Variants in EML4 observed in about 807,000 individuals in gnomAD.
EML4 encodes the protein EMAP like 4, also known as echinoderm microtubule-associated protein-like 4.
In EML4, 72 loss-of-function variants were observed where a neutral mutation model predicts 129.0. That is an observed-to-expected ratio of 0.56 (90% CI 0.46 to 0.68). The LOEUF is 0.68. Ranked by LOEUF, EML4 falls within the 30% of genes least tolerant of loss-of-function variation. The pLI is 0.00. For missense variants in EML4, 1,363 were observed against 1,190.6 expected (o/e 1.14, Z -2.13); for synonymous variants, 532 against 405.0 (o/e 1.31, Z -3.77).
chr2:42,299,246 AC>A (rs1668136699), intron 13 of EML4, among the ~76,000 whole-genome samples: 1 of 152,176 alleles, frequency 6.6e-6, no homozygotes, highest in South Asian at 2.1e-4. Context: ...AAGTATTTGT[AC>A]CACTAGCATA....
Position 42,315,958 on chromosome 2 carries a change from A to T in EML4, c.1968-4A>T. On this transcript the variant is annotated splice_polypyrimidine_tract_variant and splice_region_variant and intron_variant, in intron 17 of 22. Coordinates refer to ENST00000318522, the MANE Select transcript of EML4 (RefSeq NM_019063.5). ...AGAAAATTTTGATTTTTACTTCTTA[A>T]CAGGTGGTTTGTTCTGGATGCAGAA... 6.2e-7 allele frequency: 1 copy of T among 1,605,692 alleles called. No homozygotes were observed. The highest frequency in any genetic ancestry group is 8.5e-7 in the Non-Finnish European group (1 of 1,175,520).
chr2:42,330,227 C>T lies in EML4; in HGVS notation c.*20C>T. ...TCCTAACACCCTGGCTTCAGTGCAA[C>T]TCTTTTCCTTCAGCTGCATGTGATT... On this transcript the variant is annotated 3_prime_UTR_variant, in exon 23 of 23. Transcript: ENST00000318522. The T allele has an allele frequency of 6.2e-7, 1 of 1,601,214 alleles. No homozygotes were observed. Among genetic ancestry groups the T allele is most frequent in the Non-Finnish European group, 8.6e-7 (1 of 1,169,276 alleles).
At chr2:42,179,662 G>C (rs1477910493) in intron 1 of EML4, among the ~76,000 whole-genome samples, 1 of 152,176 alleles carries the variant, frequency 6.6e-6, no homozygotes, top group African/African-American at 2.4e-5. Flanking sequence ...GGGTGCGGTG[G>C]CATGATCTTG....
rs1665534437 is a variant in EML4 at position 42,258,960 on chromosome 2, A to T, written c.339-2161A>T. Among the ~76,000 whole-genome samples, 6 of 152,300 alleles carry T rather than the reference A, an allele frequency of 3.9e-5. No individual in the cohort carries two copies. In the South Asian group the frequency reaches 1.2e-3, roughly 32 times the overall value. ...GTCCTTTGATTAAGAAAGACATGTA[A>T]ATGGGACCGGATGCAGTGGCTCACG... On this transcript the variant is annotated intron_variant, in intron 3 of 22. Transcript: ENST00000318522.
At chr2:42,192,343 G>A (rs1041570757) in intron 1 of EML4, among the ~76,000 whole-genome samples, 1 of 151,174 alleles carries the variant, frequency 6.6e-6, no homozygotes, top group South Asian at 2.1e-4. Context: ...GGCTTCAAGA[G>A]ATTCTCCCGC....
chr2:42,216,230 CTTTTTTTTTTTTTTTTT>C (rs61417977), intron 1 of EML4, among the ~76,000 whole-genome samples: 13 of 43,378 alleles, frequency 3.0e-4, no homozygotes, highest in Admixed American at 1.9e-3. Context: ...CGGCCCACTT[CTTTTTTTTTTTTTTTTT>C]TTTTTTTTTT....
intron 1 of EML4, among the ~76,000 whole-genome samples, chr2:42,213,557 A>G (rs943628081): frequency 6.6e-6 from 1 of 152,236 alleles, no homozygotes; most frequent in Non-Finnish European, 1.5e-5. Flanking sequence ...GAATCTTTCC[A>G]TTGCATACTT....
chr2:42,325,256 T>G (rs771718824), intron 19 of EML4: 1 of 609,204 alleles, frequency 1.6e-6, no homozygotes, highest in Non-Finnish European at 3.2e-6. Context: ...GGTGCTAGTT[T>G]CTGGTATCTA....
At position 42,202,823 on chromosome 2, in the gene EML4, T is replaced by A. The variant is rs529285352; in HGVS notation, c.25+33187T>A. Among the ~76,000 whole-genome samples, 20 of 152,236 alleles carry A rather than the reference T, an allele frequency of 1.3e-4. No individual in the cohort carries two copies. The East Asian group carries it at 3.9e-3, about 29-fold the overall frequency. The stretch of plus-strand genomic sequence containing the variant: ...ATCCAATCAAGTTGACACTCAGCAT[T>A]AACCATCACACCTGGGCAACGTAGC... On this transcript the variant is annotated intron_variant, in intron 1 of 22. Transcript: ENST00000318522.
intron 2 of EML4, among the ~76,000 whole-genome samples, chr2:42,247,401 A>G (rs557134495): frequency 3.9e-5 from 6 of 152,280 alleles, no homozygotes; most frequent in African/African-American, 1.4e-4. Flanking sequence ...GAGGCTATGG[A>G]GGCGGGATAC....
At position 42,263,313 on chromosome 2, in the gene EML4, AT is replaced by A; in HGVS notation, c.641+9del. On this transcript the variant is annotated splice_region_variant and intron_variant, in intron 5 of 22. Coordinates refer to ENST00000318522, the MANE Select transcript of EML4 (RefSeq NM_019063.5). ...TTACCAAAACTGCAGACAAGTAAGT[AT>A]TGCACTTTCTTCATTATATCTGAAA... 1 of 1,580,852 alleles carries A rather than the reference AT, an allele frequency of 6.3e-7. No homozygotes were observed. The highest frequency in any genetic ancestry group is 8.6e-7 in the Non-Finnish European group (1 of 1,160,770).
In EML4 at chr2:42,265,389, G is replaced by A. The variant is rs188933914; in HGVS notation, c.667+658G>A. The stretch of plus-strand genomic sequence containing the variant: ...CAAAGTGCAGGGATTACACGCATGA[G>A]CCATGGCACCCGGCCAATTTTTGTA... On this transcript the variant is annotated intron_variant, in intron 6 of 22. Transcript: ENST00000318522. 1.7e-3 allele frequency among the ~76,000 whole-genome samples: 255 copies of A among 152,226 alleles called. 5 individuals carry two copies. The highest frequency in any genetic ancestry group is 0.013 in the Admixed American group (199 of 15,290).
intron 6 of EML4, among the ~76,000 whole-genome samples, chr2:42,265,467 T>C (rs376194410): frequency 6.6e-6 from 1 of 152,160 alleles, no homozygotes; most frequent in African/African-American, 2.4e-5. Context: ...CTCAAACTCC[T>C]GACCTCAAGC....
At chr2:42,310,485 A>C (rs763285406) in intron 17 of EML4, among the ~76,000 whole-genome samples, 2 of 152,102 alleles carry the variant, frequency 1.3e-5, no homozygotes, top group African/African-American at 2.4e-5. Context: ...AGCTGGGACT[A>C]CAAGCGTGCA....
chr2:42,256,507 C>T lies in EML4; in HGVS notation c.215C>T (p.Pro72Leu), dbSNP rs774900192. ...VKKSVSSKGQ[P>L]SPRAVIPMSC... ...TTTCCTTAATTATCTTTAGGCCAAC[C>T]AAGCCCTCGAGCAGTTATTCCCATG... Residue 72 changes from proline to leucine, a missense_variant, in exon 3 of 23, where the codon CCA (proline) becomes CTA (leucine). Coordinates refer to ENST00000318522, the MANE Select transcript of EML4 (RefSeq NM_019063.5). The T allele has an allele frequency of 6.9e-6, 11 of 1,595,300 alleles. No individual in the cohort carries two copies. The highest frequency in any genetic ancestry group is 9.4e-6 in the Non-Finnish European group (11 of 1,171,216).
intron 17 of EML4, among the ~76,000 whole-genome samples, chr2:42,310,758 G>A (rs369056526): frequency 6.6e-6 from 1 of 152,336 alleles, no homozygotes; most frequent in East Asian, 1.9e-4. Context: ...GGCCCAGGCC[G>A]GAAGATCTCT....
At chr2:42,308,210 C>A (rs1459701343) in intron 17 of EML4, among the ~76,000 whole-genome samples, 1 of 152,226 alleles carries the variant, frequency 6.6e-6, no homozygotes, top group Non-Finnish European at 1.5e-5. Flanking sequence ...ACTTCCTTAA[C>A]ACGTTAATGC....
intron 1 of EML4, among the ~76,000 whole-genome samples, chr2:42,203,565 G>C (rs986287992): frequency 2.0e-5 from 3 of 151,718 alleles, no homozygotes; most frequent in Non-Finnish European, 4.4e-5. Context: ...AGTTATACAA[G>C]ATGGCTAGTC....
chr2:42,241,938 T>A (rs1422133108), intron 1 of EML4, among the ~76,000 whole-genome samples: 1 of 152,114 alleles, frequency 6.6e-6, no homozygotes, highest in East Asian at 1.9e-4. Context: ...ATTGTTAACT[T>A]TGTATATGTT....
Sources: allele counts gnomAD v4.1 joint callset (sites outside exome capture counted in the v4.1 genomes callset), GRCh38; gene constraint gnomAD v4.1.1; transcripts MANE v1.5; gene names NCBI Gene and HGNC (gene_info 2026-07-23, HGNC 2026-07-21).